Variants in KHDRBS2 observed in about 807,000 individuals in gnomAD.
KHDRBS2 encodes KH domain-containing, RNA-binding, signal transduction-associated protein 2.
A neutral mutation model predicts 44.3 loss-of-function variants in KHDRBS2; 26 were observed. The observed-to-expected ratio is 0.59, with a 90% CI of 0.43 to 0.81. KHDRBS2 has a LOEUF of 0.81. KHDRBS2 is among the 40% of genes least tolerant of loss of function. The pLI is 0.00. For synonymous variants in KHDRBS2, 194 were observed against 151.1 expected (o/e 1.28, Z -2.08); for missense variants, 476 against 433.1 (o/e 1.10, Z -0.88).
chr6:61,553,692 T>C, the KHDRBS2 span, among the ~76,000 whole-genome samples: 2 of 152,172 alleles, frequency 1.3e-5, no homozygotes, highest in Non-Finnish European at 2.9e-5. Flanking sequence ...GATTCTGGTA[T>C]GTTATATCTT....
At chr6:61,955,982 A>G (rs1482682734) in intron 4 of KHDRBS2, among the ~76,000 whole-genome samples, 1 of 152,000 alleles carries the variant, frequency 6.6e-6, no homozygotes, top group African/African-American at 2.4e-5. Flanking sequence ...TATAGATCTC[A>G]TACGTATTGA....
chr6:62,157,105 C>A (rs1407641324), intron 2 of KHDRBS2, among the ~76,000 whole-genome samples: 2 of 151,238 alleles, frequency 1.3e-5, no homozygotes, highest in Non-Finnish European at 2.9e-5. Context: ...CCTGTAATCC[C>A]GACACTTTGG....
chr6:61,558,042 G>T, the KHDRBS2 span, among the ~76,000 whole-genome samples: 1 of 152,154 alleles, frequency 6.6e-6, no homozygotes, highest in Admixed American at 6.5e-5. Context: ...TCTGGCTAAA[G>T]AGTTATCAAA....
chr6:62,070,330 C>A (rs1247541359), intron 2 of KHDRBS2, among the ~76,000 whole-genome samples: 1 of 108,470 alleles, frequency 9.2e-6, no homozygotes, highest in Non-Finnish European at 2.1e-5. Context: ...GGAAAGTGTT[C>A]ACTTCTTTTT....
chr6:61,805,780 C>T (rs764773315), intron 6 of KHDRBS2, among the ~76,000 whole-genome samples: 8 of 152,186 alleles, frequency 5.3e-5, no homozygotes, highest in African/African-American at 1.9e-4. Context: ...GTGGGAACAA[C>T]CTCTATGATC....
the KHDRBS2 span, among the ~76,000 whole-genome samples, chr6:61,628,603 A>G: frequency 1.3e-5 from 2 of 152,208 alleles, no homozygotes; most frequent in East Asian, 3.9e-4. Flanking sequence ...TCCACTGACC[A>G]AACAGTGCCT....
At chr6:61,574,484 CAA>C in the KHDRBS2 span, 1 of 1,177,322 alleles carries the variant, frequency 8.5e-7, no homozygotes, top group East Asian at 2.8e-5. Context: ...TCTAACCTAC[CAA>C]ACCTGCATTA....
At chr6:61,784,233 G>A (rs1049822777) in intron 6 of KHDRBS2, among the ~76,000 whole-genome samples, 1 of 151,690 alleles carries the variant, frequency 6.6e-6, no homozygotes, top group Non-Finnish European at 1.5e-5. Flanking sequence ...ATAGACTCAT[G>A]TTCTGAGGTA....
intron 1 of KHDRBS2, among the ~76,000 whole-genome samples, chr6:62,209,982 T>G (rs1202245094): frequency 6.6e-6 from 1 of 152,156 alleles, no homozygotes; most frequent in East Asian, 1.9e-4. Context: ...CCTCAGCTTG[T>G]GGATGGCCTA....
the KHDRBS2 span, among the ~76,000 whole-genome samples, chr6:61,570,251 A>C: frequency 6.6e-6 from 1 of 152,294 alleles, no homozygotes; most frequent in Admixed American, 6.5e-5. Context: ...GAAATGAAAG[A>C]CACATTCAGT....
intron 1 of KHDRBS2, among the ~76,000 whole-genome samples, chr6:62,224,969 T>C (rs1831515378): frequency 2.0e-5 from 3 of 152,190 alleles, no homozygotes; most frequent in African/African-American, 7.2e-5. Flanking sequence ...GGTTTTGACA[T>C]TCCCTGTGAT....
At chr6:61,984,341 A>C (rs1451624653) in intron 3 of KHDRBS2, among the ~76,000 whole-genome samples, 1 of 152,196 alleles carries the variant, frequency 6.6e-6, no homozygotes, top group East Asian at 1.9e-4. Context: ...AGAGCAATCA[A>C]CCTAGCTTTT....
intron 2 of KHDRBS2, among the ~76,000 whole-genome samples, chr6:62,090,086 T>C (rs549296335): frequency 1.3e-5 from 2 of 152,208 alleles, no homozygotes; most frequent in Middle Eastern, 3.4e-3. Flanking sequence ...GCTTGGTATA[T>C]GATGGTGAGA....
intron 6 of KHDRBS2, among the ~76,000 whole-genome samples, chr6:61,892,541 T>A (rs943845135): frequency 1.3e-5 from 2 of 152,160 alleles, no homozygotes; most frequent in African/African-American, 4.8e-5. Flanking sequence ...ATGGTACTGG[T>A]ACCAAAACAG....
chr6:61,558,175 G>A, the KHDRBS2 span, among the ~76,000 whole-genome samples: 2 of 151,926 alleles, frequency 1.3e-5, no homozygotes, highest in African/African-American at 4.8e-5. Context: ...GTTTTTGGGT[G>A]TGATTTGTTC....
the KHDRBS2 span, among the ~76,000 whole-genome samples, chr6:61,544,806 C>T: frequency 6.6e-6 from 1 of 152,028 alleles, no homozygotes; most frequent in Non-Finnish European, 1.5e-5. Context: ...TGGAAACCAT[C>T]ATTCTCAGCA....
chr6:62,225,880 T>C (rs1188085242), intron 1 of KHDRBS2, among the ~76,000 whole-genome samples: 1 of 152,252 alleles, frequency 6.6e-6, no homozygotes, highest in African/African-American at 2.4e-5. Flanking sequence ...TTGCTTTTTA[T>C]GGCTGCATAA....
intron 3 of KHDRBS2, among the ~76,000 whole-genome samples, chr6:62,009,735 A>T (rs897556044): frequency 2.6e-5 from 4 of 152,188 alleles, no homozygotes; most frequent in Non-Finnish European, 5.9e-5. Context: ...TGGCTTCAAA[A>T]GGTGCAACCC....
intron 3 of KHDRBS2, among the ~76,000 whole-genome samples, chr6:62,021,934 A>G (rs553220429): frequency 4.1e-5 from 6 of 144,878 alleles, no homozygotes; most frequent in South Asian, 2.2e-4. Flanking sequence ...GTATATATAT[A>G]TATATACACA....
Sources: gnomAD v4.1 joint callset for allele counts (sites outside exome capture counted in the v4.1 genomes callset) on GRCh38, gnomAD v4.1.1 for gene constraint, MANE v1.5 for transcripts, NCBI Gene and HGNC (gene_info 2026-07-23, HGNC 2026-07-21) for gene names.